The following SP4 variants were observed in gnomAD, a reference collection of about 807,000 sequenced individuals.
SP4 encodes Sp4 transcription factor, also known as transcription factor Sp4.
Under a neutral mutation model 72.8 loss-of-function variants are expected in SP4, and 19 were observed. That is an observed-to-expected ratio of 0.26 (90% CI 0.18 to 0.38). The LOEUF is 0.38. Ranked by LOEUF, SP4 falls within the 10% of genes least tolerant of loss-of-function variation. The probability of loss-of-function intolerance (pLI) is 1.00; values close to 1 mark genes in which losing one functional copy is unlikely to be tolerated. For missense variants in SP4, 1,008 were observed against 926.3 expected, an observed-to-expected ratio of 1.09 and a Z score of -1.14; for synonymous variants, 395 against 333.1, an observed-to-expected ratio of 1.19 and a Z score of -2.02.
At chr7:21,428,915 G>C in intron 2 of SP4, 123 bp downstream of exon 2, 1 of 786,712 alleles carries the variant, frequency 1.3e-6, no homozygotes, top group Non-Finnish European at 2.0e-6. Context: ...CTTTCTGAGA[G>C]TGTGGAACTT....
chr7:21,496,985 C>G (rs1045094889), intron 5 of SP4, among the ~76,000 whole-genome samples: 2 of 152,228 alleles, frequency 1.3e-5, no homozygotes, highest in African/African-American at 4.8e-5. Flanking sequence ...GTATATGTCA[C>G]AGGTTTTTAA....
intron 3 of SP4, among the ~76,000 whole-genome samples, chr7:21,442,463 T>C (rs557240546): frequency 6.6e-6 from 1 of 152,376 alleles, no homozygotes; most frequent in South Asian, 2.1e-4. Context: ...ATGATAGATA[T>C]CATCTAATAT....
At chr7:21,499,253 T>A (rs1781803697) in intron 5 of SP4, among the ~76,000 whole-genome samples, 1 of 152,164 alleles carries the variant, frequency 6.6e-6, no homozygotes, top group South Asian at 2.1e-4. Flanking sequence ...TGCCACACAT[T>A]TAAAAATGTC....
chr7:21,459,084 A>T (rs6958382), intron 3 of SP4, among the ~76,000 whole-genome samples: 2 of 151,600 alleles, frequency 1.3e-5, no homozygotes, highest in Non-Finnish European at 2.9e-5. Flanking sequence ...AAACTTCTAT[A>T]GAATTAAAGC....
chr7:21,462,381 AAG>A (rs527279114), intron 3 of SP4, among the ~76,000 whole-genome samples: 6 of 152,200 alleles, frequency 3.9e-5, no homozygotes, highest in Non-Finnish European at 8.8e-5. Flanking sequence ...AAAAATAAAA[AAG>A]AATTTGATGT....
chr7:21,431,302 A>G (rs1041495110), intron 3 of SP4, among the ~76,000 whole-genome samples: 7 of 152,176 alleles, frequency 4.6e-5, no homozygotes, highest in African/African-American at 1.7e-4. Flanking sequence ...AGTGGAAGTT[A>G]TTTCTCAAGC....
At chr7:21,462,922 C>T (rs996799645) in intron 3 of SP4, among the ~76,000 whole-genome samples, 4 of 152,004 alleles carry the variant, frequency 2.6e-5, no homozygotes, top group Non-Finnish European at 1.5e-5. Flanking sequence ...CTGTGCTGTT[C>T]AATATGAAAG....
chr7:21,459,234 C>G (rs1783876348), intron 3 of SP4, among the ~76,000 whole-genome samples: 1 of 152,206 alleles, frequency 6.6e-6, no homozygotes, highest in Non-Finnish European at 1.5e-5. Flanking sequence ...ATTCTCCTGC[C>G]TCAGCTTCCT....
At chr7:21,496,790 G>T (rs1034101583) in intron 5 of SP4, among the ~76,000 whole-genome samples, 1 of 152,050 alleles carries the variant, frequency 6.6e-6, no homozygotes, top group Non-Finnish European at 1.5e-5. Flanking sequence ...CTGTGTGCAT[G>T]TTGCAGCTTG....
chr7:21,498,727 T>G (rs1781786935), intron 5 of SP4, among the ~76,000 whole-genome samples: 1 of 152,180 alleles, frequency 6.6e-6, no homozygotes, highest in African/African-American at 2.4e-5. Context: ...ATGATCATAG[T>G]CAATTAACAC....
chr7:21,431,056 TGTTA>T (rs1782836964), intron 3 of SP4, among the ~76,000 whole-genome samples: 1 of 152,246 alleles, frequency 6.6e-6, no homozygotes, highest in Non-Finnish European at 1.5e-5. Flanking sequence ...GTGTTAAATT[TGTTA>T]GTTTTTTAAA....
At chr7:21,473,399 A>C (rs1325940435) in intron 3 of SP4, among the ~76,000 whole-genome samples, 1 of 152,198 alleles carries the variant, frequency 6.6e-6, no homozygotes, top group East Asian at 1.9e-4. Context: ...TTTTATTTTT[A>C]AACTTTGATT....
intron 3 of SP4, among the ~76,000 whole-genome samples, chr7:21,438,816 GC>G (rs2128393317): frequency 6.6e-6 from 1 of 152,286 alleles, no homozygotes; most frequent in African/African-American, 2.4e-5. Flanking sequence ...CTCTGTATAT[GC>G]TAACAAGTCA....
Position 21,428,733 on chromosome 7 carries a change from G to A in SP4, c.64G>A (p.Gly22Arg), listed in dbSNP as rs750353786. 7.1e-6 allele frequency: 11 copies of A among 1,554,202 alleles called. No homozygotes were observed. Among genetic ancestry groups the A allele is most frequent in the Non-Finnish European group, 9.6e-6 (11 of 1,148,562 alleles). ...AAAAAAMATE[G>R]GKTSEPENNN... ...AGCGGCAGCGGCGATGGCTACAGAAGGAGGGAAAACCTCTGAGCCAGAGAA... is the reference window on the plus strand; with the variant it reads ...AGCGGCAGCGGCGATGGCTACAGAAAGAGGGAAAACCTCTGAGCCAGAGAA... The change falls in exon 2 of 6, where the codon GGA becomes AGA. Residue 22 changes from glycine to arginine, a missense_variant. Around this residue, in one of 3 missense-constraint regions of SP4, gnomAD observed 893 missense variants for 743.3 expected, o/e 1.20. Coordinates refer to ENST00000222584, the MANE Select transcript of SP4 (RefSeq NM_003112.5).
At chr7:21,439,938 C>T (rs989512138) in intron 3 of SP4, among the ~76,000 whole-genome samples, 2 of 152,082 alleles carry the variant, frequency 1.3e-5, no homozygotes, top group East Asian at 1.9e-4. Flanking sequence ...ATGTTTAAGA[C>T]GCAAGAATCT....
At chr7:21,507,737 C>G (rs573704027) in intron 5 of SP4, among the ~76,000 whole-genome samples, 2 of 152,214 alleles carry the variant, frequency 1.3e-5, no homozygotes, top group South Asian at 4.2e-4. Flanking sequence ...TTTCCCTTGT[C>G]CCCTAGGCCT....
intron 3 of SP4, among the ~76,000 whole-genome samples, chr7:21,445,512 T>C (rs1783392253): frequency 1.3e-5 from 2 of 152,304 alleles, no homozygotes; most frequent in South Asian, 2.1e-4. Flanking sequence ...GTATCTGCCA[T>C]TGTATACATC....
intron 5 of SP4, among the ~76,000 whole-genome samples, chr7:21,510,059 C>G (rs909801614): frequency 6.6e-6 from 1 of 152,180 alleles, no homozygotes. Flanking sequence ...TTCTCAAGAA[C>G]AGTATGGGGA....
chr7:21,471,801 T>C (rs183729160), intron 3 of SP4, among the ~76,000 whole-genome samples: 2 of 152,224 alleles, frequency 1.3e-5, no homozygotes, highest in Non-Finnish European at 2.9e-5. Context: ...GCCGCTGTAC[T>C]CTAGCCTGGG....
Sources: allele counts gnomAD v4.1 joint callset (sites outside exome capture counted in the v4.1 genomes callset), GRCh38; gene constraint gnomAD v4.1.1; regional missense constraint gnomAD v4.1.1; transcripts MANE v1.5; gene names NCBI Gene and HGNC (gene_info 2026-07-23, HGNC 2026-07-21).